Variants in BAD observed in about 807,000 individuals in gnomAD.
The protein encoded by BAD is BCL2 associated agonist of cell death, also known as bcl2-associated agonist of cell death.
A neutral mutation model predicts 17.8 loss-of-function variants in BAD; 18 were observed. The ratio of observed to expected loss-of-function variants is 1.01; its 90% CI spans 0.70 to 1.50. The LOEUF (loss-of-function observed/expected upper bound fraction) is 1.50. Ranked by LOEUF, BAD falls within the 40% of genes most tolerant of loss-of-function variation. The probability of loss-of-function intolerance (pLI) is 0.00; values close to 1 mark genes in which losing one functional copy is unlikely to be tolerated. For missense variants in BAD, 294 were observed against 239.3 expected (o/e 1.23, Z -1.51); for synonymous variants, 112 against 91.5 (o/e 1.22, Z -1.28).
Position 64,271,754 on chromosome 11 carries a change from C to A in BAD, c.237G>T (p.Gly79=). 1.4e-6 allele frequency: 2 copies of A among 1,445,896 alleles called. No individual in the cohort carries two copies. Among genetic ancestry groups the A allele is most frequent in the Non-Finnish European group, 1.8e-6 (2 of 1,099,484 alleles). The allele number at this position is 1,445,896 out of a possible 1,614,324, so 89.6% of individuals were successfully genotyped here. ...IRSRHSSYPA[G]TEDDEGMGEE... ...CCCCCATCCCTTCGTCGTCCTCCGT[C>A]CCCGCGGGGTAGGAGCTGTGGCGAC... The change falls in exon 3 of 4, where the codon GGG becomes GGT. Residue 79 remains glycine, a synonymous_variant. Coordinates refer to ENST00000309032, the MANE Select transcript of BAD (RefSeq NM_032989.3).
chr11:64,280,320 AAAAAT>A (rs1226726322), intron 2 of BAD, among the ~76,000 whole-genome samples: 2 of 114,722 alleles, frequency 1.7e-5, no homozygotes, highest in African/African-American at 5.9e-5. Context: ...ACTCCATGTC[AAAAAT>A]AAAATAAAAT....
Position 64,270,121 on chromosome 11 carries a change from T to A in BAD, c.*88A>T, listed in dbSNP as rs2032396705. ...AGACAGCACGGATCCTCTTTTTGCA[T>A]AGGCCTGAGGGAAGTACTTCCGCCC... On this transcript the variant is annotated 3_prime_UTR_variant, in exon 4 of 4. Transcript: ENST00000309032. 6.3e-7 allele frequency: 1 copy of A among 1,593,120 alleles called. No homozygotes were observed. Among genetic ancestry groups the A allele is most frequent in the Non-Finnish European group, 8.6e-7 (1 of 1,165,882 alleles).
At chr11:64,273,473 A>C (rs888766238) in intron 2 of BAD, among the ~76,000 whole-genome samples, 2 of 152,166 alleles carry the variant, frequency 1.3e-5, no homozygotes, top group Non-Finnish European at 2.9e-5. Context: ...GGTCTATTTG[A>C]ACTGTGCTCT....
chr11:64,277,664 C>T (rs1444949941), intron 2 of BAD, among the ~76,000 whole-genome samples: 1 of 152,108 alleles, frequency 6.6e-6, no homozygotes, highest in Non-Finnish European at 1.5e-5. Flanking sequence ...GTCTCGAACT[C>T]CTGAGCTCAA....
At chr11:64,274,885 T>G (rs73500191) in intron 2 of BAD, among the ~76,000 whole-genome samples, 2,721 of 146,946 alleles carry the variant, frequency 0.019, 94 homozygotes, top group African/African-American at 0.063. Context: ...CTAGGGAGGT[T>G]AAGGCACAAG....
At chr11:64,283,895 A>T (rs2033654069) in intron 2 of BAD, among the ~76,000 whole-genome samples, 1 of 152,158 alleles carries the variant, frequency 6.6e-6, no homozygotes, top group African/African-American at 2.4e-5. Flanking sequence ...TTGGCCTCCC[A>T]AAGTGCTGAG....
chr11:64,281,732 C>CT (rs537617462), intron 2 of BAD, among the ~76,000 whole-genome samples: 20 of 152,122 alleles, frequency 1.3e-4, no homozygotes, highest in African/African-American at 4.6e-4. Context: ...TCTCTTAACT[C>CT]TTTTTTTTGA....
At chr11:64,270,387 G>A (rs1200554744) in intron 3 of BAD, 50 bp from the exon 4 acceptor site, 7 of 1,504,558 alleles carry the variant, frequency 4.7e-6, no homozygotes, top group Admixed American at 4.4e-5. Context: ...ATGGCAGCTC[G>A]AGCCAGGCTC....
chr11:64,270,002 T>A lies in BAD; in HGVS notation c.*207A>T. 1.0e-6 allele frequency: 1 copy of A among 952,776 alleles called. No individual in the cohort carries two copies. The highest frequency in any genetic ancestry group is 1.4e-5 in the South Asian group (1 of 69,938). The allele number at this position is 952,776 out of a possible 1,614,324, so 59.0% of individuals were successfully genotyped here. A position where few individuals can be genotyped will look rare whatever the true frequency, so the allele number is the denominator to read the frequency against. ...GGGCCACGGAGCCACTTCCGGCGGC[T>A]GTGGGCGGAAAACCCAAAACTTCCG... On this transcript the variant is annotated 3_prime_UTR_variant, in exon 4 of 4. Transcript: ENST00000309032.
intron 3 of BAD, chr11:64,270,553 G>A (rs942102886): frequency 4.1e-6 from 3 of 725,536 alleles, no homozygotes; most frequent in Non-Finnish European, 4.9e-6. Flanking sequence ...CTCCGTGCCG[G>A]AGACGGGAAG....
Position 64,269,996 on chromosome 11 carries a change from G to C in BAD, c.*213C>G, listed in dbSNP as rs922976481. 1 of 907,082 alleles carries C rather than the reference G, an allele frequency of 1.1e-6. No homozygotes were observed. Among genetic ancestry groups the C allele is most frequent in the Non-Finnish European group, 1.7e-6 (1 of 586,170 alleles). The allele number at this position is 907,082 out of a possible 1,614,324, so 56.2% of individuals were successfully genotyped here. On this transcript the variant is annotated 3_prime_UTR_variant, in exon 4 of 4. Coordinates refer to ENST00000309032, the MANE Select transcript of BAD (RefSeq NM_032989.3). ...AGGGCGGGGCCACGGAGCCACTTCCGGCGGCTGTGGGCGGAAAACCCAAAA... is the reference window on the plus strand; with the variant it reads ...AGGGCGGGGCCACGGAGCCACTTCCCGCGGCTGTGGGCGGAAAACCCAAAA...
intron 3 of BAD, 129 bp downstream of exon 3, chr11:64,271,484 G>A (rs2032601163): frequency 2.1e-6 from 2 of 974,784 alleles, no homozygotes; most frequent in African/African-American, 1.7e-5. Flanking sequence ...GAGCTAGGAA[G>A]GAACAGGACG....
rs779751479 is a variant in BAD, at chr11:64,276,963, C to T, written c.188-5160G>A. 4.0e-6 allele frequency: 3 copies of T among 750,288 alleles called. No individual in the cohort carries two copies. The South Asian group carries it at 4.3e-5, about 11-fold the overall frequency. The allele number at this position is 750,288 out of a possible 1,614,324, so 46.5% of individuals were successfully genotyped here. A position where few individuals can be genotyped will look rare whatever the true frequency, so the allele number is the denominator to read the frequency against. On this transcript the variant is annotated intron_variant, in intron 2 of 3. Coordinates refer to ENST00000309032, the MANE Select transcript of BAD (RefSeq NM_032989.3). Reference sequence around the variant, plus strand: ...GAGTCAGCGGCTGGGGCGGACATCCCTGCTGATGCTTCCGCGAGCATCCCT... The same window carrying T: ...GAGTCAGCGGCTGGGGCGGACATCCTTGCTGATGCTTCCGCGAGCATCCCT...
rs1370782023 is a variant in BAD at position 64,271,659 on chromosome 11, C to T, written c.332G>A (p.Gly111Asp). Reference sequence around the variant, plus strand: ...GTCACTCATCCTCCGGAGCTCGCGGCCATAGCGCTGTGCTGCCCAGAGGTT... The same window carrying T: ...GTCACTCATCCTCCGGAGCTCGCGGTCATAGCGCTGTGCTGCCCAGAGGTT... Reference protein sequence around the residue: ...PPNLWAAQRYGRELRRMSDEF... With the variant: ...PPNLWAAQRYDRELRRMSDEF... Residue 111 changes from glycine to aspartate, a missense_variant, in exon 3 of 4, where the codon GGC (glycine) becomes GAC (aspartate). Physicochemically the swap from Gly to Asp is moderately conservative, Grantham distance 94 (BLOSUM62 -1). Coordinates refer to ENST00000309032, the MANE Select transcript of BAD (RefSeq NM_032989.3). 6.6e-7 allele frequency: 1 copy of T among 1,509,586 alleles called. No homozygotes were observed. The highest frequency in any genetic ancestry group is 8.9e-7 in the Non-Finnish European group (1 of 1,128,142). The allele number at this position is 1,509,586 out of a possible 1,614,324, so 93.5% of individuals were successfully genotyped here.
At chr11:64,284,544 G>T in intron 1 of BAD, 87 bp downstream of exon 1, 1 of 1,506,278 alleles carries the variant, frequency 6.6e-7, no homozygotes, top group Non-Finnish European at 8.8e-7. Context: ...GGGAGCTGAG[G>T]CTGTCGGCTC....
intron 3 of BAD, among the ~76,000 whole-genome samples, chr11:64,270,844 C>G (rs991726531): frequency 6.6e-6 from 1 of 151,818 alleles, no homozygotes; most frequent in Non-Finnish European, 1.5e-5. Flanking sequence ...TTCGGGGAAC[C>G]CAGGAGCTTT....
Position 64,270,356 on chromosome 11 carries a change from G to C in BAD, c.379-19C>G. The C allele has an allele frequency of 6.5e-7, 1 of 1,530,186 alleles. No homozygotes were observed. The highest frequency in any genetic ancestry group is 8.8e-7 in the Non-Finnish European group (1 of 1,137,004). The allele number at this position is 1,530,186 out of a possible 1,614,324, so 94.8% of individuals were successfully genotyped here. The stretch of plus-strand genomic sequence containing the variant: ...GTCCCTTCTGGTGGAGGGAGAAAAG[G>C]GTTACATGAGTTAGATTACCATGGC... On this transcript the variant is annotated intron_variant, in intron 3 of 3. Coordinates refer to ENST00000309032, the MANE Select transcript of BAD (RefSeq NM_032989.3).
rs1275377857 is a variant in BAD, at chr11:64,284,245, G to A, written c.124C>T (p.Pro42Ser). 2 of 1,610,718 alleles carry A rather than the reference G, an allele frequency of 1.2e-6. No individual in the cohort carries two copies. The change falls in exon 2 of 4, where the codon CCA (proline) becomes TCA (serine). Residue 42 changes from proline to serine, a missense_variant. Coordinates refer to ENST00000309032, the MANE Select transcript of BAD (RefSeq NM_032989.3). ...SGSGKHHRQA[P>S]GLLWDASHQQ... is the part of the protein sequence containing the mutation. ...TGACTGGCGTCCCACAGGAGGCCTGGGGCCTGGCGATGATGCTTGCCGGAG... is the reference window on the plus strand; with the variant it reads ...TGACTGGCGTCCCACAGGAGGCCTGAGGCCTGGCGATGATGCTTGCCGGAG...
intron 2 of BAD, among the ~76,000 whole-genome samples, chr11:64,273,042 A>G (rs2032757095): frequency 6.6e-6 from 1 of 152,098 alleles, no homozygotes; most frequent in African/African-American, 2.4e-5. Context: ...CCTAGGCAAC[A>G]TTGCAAAACC....
Sources: gnomAD v4.1 joint callset for allele counts (sites outside exome capture counted in the v4.1 genomes callset) on GRCh38, gnomAD v4.1.1 for gene constraint, MANE v1.5 for transcripts, NCBI Gene and HGNC (gene_info 2026-07-23, HGNC 2026-07-21) for gene names.